Variants in ARHGAP24 observed in about 807,000 individuals in gnomAD.
ARHGAP24 encodes the protein rho GTPase-activating protein 24.
In ARHGAP24, 50 loss-of-function variants were observed where a neutral mutation model predicts 76.4. The observed-to-expected ratio is 0.65, with a 90% confidence interval of 0.52 to 0.83. The LOEUF (loss-of-function observed/expected upper bound fraction) is 0.83, where lower values mean the gene tolerates loss of function less well. Ranked by LOEUF, ARHGAP24 falls within the 40% of genes least tolerant of loss-of-function variation. The pLI is 0.00. For synonymous variants in ARHGAP24, 345 were observed against 323.3 expected, an observed-to-expected ratio of 1.07 and a Z score of -0.72; for missense variants, 930 against 914.2, an observed-to-expected ratio of 1.02 and a Z score of -0.22.
intron 3 of ARHGAP24, among the ~76,000 whole-genome samples, chr4:85,866,436 G>T (rs1732205225): frequency 6.6e-6 from 1 of 151,996 alleles, no homozygotes; most frequent in South Asian, 2.1e-4. Flanking sequence ...TGAGTTTTTG[G>T]CATTTTTTTG....
intron 3 of ARHGAP24, among the ~76,000 whole-genome samples, chr4:85,730,256 G>A (rs1042797986): frequency 3.3e-5 from 5 of 152,158 alleles, no homozygotes; most frequent in African/African-American, 7.2e-5. Flanking sequence ...GATGGGATGT[G>A]CCTAGCATGA....
chr4:85,877,486 G>A (rs1330302337), intron 3 of ARHGAP24, among the ~76,000 whole-genome samples: 1 of 95,934 alleles, frequency 1.0e-5, no homozygotes, highest in Non-Finnish European at 2.2e-5. Context: ...TTAGCTGGGT[G>A]CAGTGACACA....
intron 2 of ARHGAP24, among the ~76,000 whole-genome samples, chr4:85,583,639 A>G (rs1357567249): frequency 1.3e-5 from 2 of 151,814 alleles, no homozygotes; most frequent in East Asian, 1.9e-4. Context: ...AGAAACTACC[A>G]TCAGAGTGAA....
chr4:85,592,491 A>G (rs1728158469), intron 2 of ARHGAP24, among the ~76,000 whole-genome samples: 1 of 152,174 alleles, frequency 6.6e-6, no homozygotes, highest in African/African-American at 2.4e-5. Flanking sequence ...AAACAATCTA[A>G]TTATACTCTT....
At chr4:85,542,094 T>G (rs1725726672) in intron 1 of ARHGAP24, among the ~76,000 whole-genome samples, 1 of 152,182 alleles carries the variant, frequency 6.6e-6, no homozygotes, top group Non-Finnish European at 1.5e-5. Context: ...CATCAGGTCA[T>G]CAGCATGCGT....
At chr4:85,693,064 A>C (rs1410419508) in intron 2 of ARHGAP24, among the ~76,000 whole-genome samples, 1 of 152,204 alleles carries the variant, frequency 6.6e-6, no homozygotes, top group Non-Finnish European at 1.5e-5. Flanking sequence ...GGAGTATATA[A>C]GCAAAATATT....
chr4:85,691,151 G>T (rs1477461521), intron 2 of ARHGAP24, among the ~76,000 whole-genome samples: 2 of 152,050 alleles, frequency 1.3e-5, no homozygotes, highest in Non-Finnish European at 2.9e-5. Context: ...TAATTGTGTA[G>T]TTTTCAGATA....
At chr4:85,854,603 T>G (rs1191751363) in intron 3 of ARHGAP24, among the ~76,000 whole-genome samples, 2 of 152,242 alleles carry the variant, frequency 1.3e-5, no homozygotes, top group Non-Finnish European at 2.9e-5. Flanking sequence ...TTTCTTGCTC[T>G]TTTCATTTTT....
chr4:85,747,613 G>A (rs1288063845), intron 3 of ARHGAP24, among the ~76,000 whole-genome samples: 1 of 152,158 alleles, frequency 6.6e-6, no homozygotes, highest in Non-Finnish European at 1.5e-5. Flanking sequence ...TGAGGCAGGA[G>A]AATGGCGTGA....
intron 5 of ARHGAP24, among the ~76,000 whole-genome samples, chr4:85,961,907 T>A (rs1235519101): frequency 6.6e-6 from 1 of 152,028 alleles, no homozygotes; most frequent in Non-Finnish European, 1.5e-5. Context: ...ATGAGAAAAA[T>A]TGTTGAATGT....
At chr4:85,818,226 C>G (rs1394758903) in intron 3 of ARHGAP24, among the ~76,000 whole-genome samples, 2 of 152,156 alleles carry the variant, frequency 1.3e-5, no homozygotes, top group African/African-American at 4.8e-5. Context: ...CTGGCTTCAC[C>G]TGGTTCCACA....
At chr4:85,977,524 C>A in intron 7 of ARHGAP24, 46 bp from the exon 8 acceptor site, 3 of 1,602,678 alleles carry the variant, frequency 1.9e-6, no homozygotes, top group Non-Finnish European at 1.7e-6. Context: ...CTTCCACTGG[C>A]AAATTTGATC....
chr4:85,700,583 G>C (rs1304090553), intron 2 of ARHGAP24, among the ~76,000 whole-genome samples: 1 of 152,078 alleles, frequency 6.6e-6, no homozygotes, highest in Non-Finnish European at 1.5e-5. Flanking sequence ...CTGATGGGTG[G>C]TGGTAATGGT....
chr4:85,817,557 G>C (rs1437645071), intron 3 of ARHGAP24, among the ~76,000 whole-genome samples: 1 of 152,150 alleles, frequency 6.6e-6, no homozygotes, highest in Non-Finnish European at 1.5e-5. Flanking sequence ...CATACAATTT[G>C]TGAAACCTTA....
intron 5 of ARHGAP24, among the ~76,000 whole-genome samples, chr4:85,946,143 G>A (rs1472952747): frequency 1.3e-5 from 2 of 152,154 alleles, no homozygotes; most frequent in African/African-American, 4.8e-5. Context: ...AACAGCATGA[G>A]AAAGACCTGC....
intron 2 of ARHGAP24, among the ~76,000 whole-genome samples, chr4:85,579,845 C>A (rs1446387650): frequency 6.6e-6 from 1 of 151,716 alleles, no homozygotes; most frequent in Non-Finnish European, 1.5e-5. Flanking sequence ...TTTTAAAATC[C>A]ATTTGTCGGT....
At chr4:85,838,978 C>T (rs1730442830) in intron 3 of ARHGAP24, among the ~76,000 whole-genome samples, 1 of 152,190 alleles carries the variant, frequency 6.6e-6, no homozygotes, top group African/African-American at 2.4e-5. Context: ...AAAATCGTAG[C>T]TCAGTTGCCA....
Position 85,930,637 on chromosome 4 carries a change from C to T in ARHGAP24, c.391+6867C>T, listed in dbSNP as rs534007086. 6.4e-5 allele frequency: 71 copies of T among 1,102,128 alleles called. No homozygotes were observed. The South Asian group carries it at 8.1e-4, about 13-fold the overall frequency. 68.3% of individuals were successfully genotyped at this position (1,102,128 alleles called of 1,614,324 possible). Reference sequence around the variant, plus strand: ...GAATGGTAGCTTGCTTGCTGCAGTTCTTTTCCTGTGACATTTTGGAATGTC... The same window carrying T: ...GAATGGTAGCTTGCTTGCTGCAGTTTTTTTCCTGTGACATTTTGGAATGTC... On this transcript the variant is annotated intron_variant, in intron 4 of 9. Coordinates refer to ENST00000395184, the MANE Select transcript of ARHGAP24 (RefSeq NM_001025616.3).
intron 5 of ARHGAP24, among the ~76,000 whole-genome samples, chr4:85,964,054 G>A (rs1436695494): frequency 6.6e-6 from 1 of 152,050 alleles, no homozygotes; most frequent in Non-Finnish European, 1.5e-5. Flanking sequence ...ATATAAACTT[G>A]AACTTAAGCA....
Sources: allele counts gnomAD v4.1 joint callset (sites outside exome capture counted in the v4.1 genomes callset), GRCh38; gene constraint gnomAD v4.1.1; transcripts MANE v1.5; gene names NCBI Gene and HGNC (gene_info 2026-07-23, HGNC 2026-07-21).